Variants in DCC observed in about 807,000 individuals in gnomAD.
The protein encoded by DCC is DCC netrin 1 receptor.
Under a neutral mutation model 172.5 loss-of-function variants are expected in DCC, and 58 were observed. The ratio of observed to expected loss-of-function variants is 0.34; its 90% CI spans 0.27 to 0.42. The LOEUF is 0.42. Ranked by LOEUF, DCC falls within the 10% of genes least tolerant of loss-of-function variation. The pLI is 1.00. For synonymous variants in DCC, 709 were observed against 644.5 expected (o/e 1.10, Z -1.52); for missense variants, 1,740 against 1,791.0 (o/e 0.97, Z 0.51).
intron 22 of DCC, among the ~76,000 whole-genome samples, chr18:53,438,996 C>A (rs1038064226): frequency 3.3e-5 from 5 of 152,160 alleles, no homozygotes; most frequent in Non-Finnish European, 4.4e-5. Context: ...TTAGGGATTT[C>A]ATGCTAAATG....
At chr18:53,256,406 G>A (rs2056515351) in intron 12 of DCC, among the ~76,000 whole-genome samples, 1 of 152,096 alleles carries the variant, frequency 6.6e-6, no homozygotes. Flanking sequence ...GTAAGGAAGG[G>A]ATCCAGTTTC....
chr18:52,341,833 A>G (rs1469440367), intron 1 of DCC, among the ~76,000 whole-genome samples: 1 of 151,986 alleles, frequency 6.6e-6, no homozygotes, highest in Non-Finnish European at 1.5e-5. Context: ...ACTGGGGTAC[A>G]GTGAGCGGTC....
chr18:52,627,651 A>T (rs2034598862), intron 1 of DCC, among the ~76,000 whole-genome samples: 1 of 152,252 alleles, frequency 6.6e-6, no homozygotes, highest in South Asian at 2.1e-4. Context: ...AACAGCAACA[A>T]CAAAACATTC....
intron 16 of DCC, among the ~76,000 whole-genome samples, chr18:53,391,200 G>A (rs934164472): frequency 6.6e-6 from 1 of 152,100 alleles, no homozygotes; most frequent in Non-Finnish European, 1.5e-5. Context: ...AGAGAAGGAG[G>A]AGAAAATAAA....
chr18:53,057,020 T>G (rs1205200829), intron 5 of DCC, among the ~76,000 whole-genome samples: 1 of 150,368 alleles, frequency 6.7e-6, no homozygotes, highest in African/African-American at 2.4e-5. Context: ...TGACCCATAT[T>G]TATTACATAC....
chr18:53,079,137 C>T (rs116620204), intron 7 of DCC, among the ~76,000 whole-genome samples: 377 of 152,194 alleles, frequency 2.5e-3, no homozygotes, highest in African/African-American at 8.5e-3. Context: ...AATAAAAGTA[C>T]TATGTAGCTT....
At chr18:52,498,133 C>T (rs79089701) in intron 1 of DCC, among the ~76,000 whole-genome samples, 10,379 of 151,826 alleles carry the variant, frequency 0.068, 443 homozygotes, top group East Asian at 0.084. Flanking sequence ...TCTTTTTTTC[C>T]CCAATTATTT....
intron 7 of DCC, among the ~76,000 whole-genome samples, chr18:53,143,492 T>C (rs1213723387): frequency 1.3e-5 from 2 of 152,336 alleles, no homozygotes; most frequent in South Asian, 2.1e-4. Flanking sequence ...GTTTGGCTCA[T>C]GACATAGCTG....
Position 52,745,282 on chromosome 18 carries a change from A to G in DCC, c.92-6772A>G, listed in dbSNP as rs535703108. On this transcript the variant is annotated intron_variant, in intron 1 of 28. Transcript: ENST00000442544. ...AACCCAAATTACACAAATTCCTCAA[A>G]TATGAAAAGTCATGGCAAGATAGTA... Among the ~76,000 whole-genome samples, 3 of 152,318 alleles carry G rather than the reference A, an allele frequency of 2.0e-5. No individual in the cohort carries two copies. The East Asian group carries it at 5.8e-4, about 29-fold the overall frequency.
intron 1 of DCC, among the ~76,000 whole-genome samples, chr18:52,604,973 C>G (rs1320119770): frequency 1.3e-5 from 2 of 152,028 alleles, no homozygotes; most frequent in African/African-American, 2.4e-5. Context: ...TTAATGCACA[C>G]TCATCTGTTT....
intron 1 of DCC, among the ~76,000 whole-genome samples, chr18:52,611,837 G>A (rs2034282746): frequency 6.6e-6 from 1 of 152,142 alleles, no homozygotes; most frequent in Admixed American, 6.5e-5. Context: ...AGAAATGGTA[G>A]CCATTATTAG....
At chr18:52,838,740 TG>T (rs1251455568) in intron 2 of DCC, among the ~76,000 whole-genome samples, 1 of 152,222 alleles carries the variant, frequency 6.6e-6, no homozygotes, top group Non-Finnish European at 1.5e-5. Context: ...AAATTATTTT[TG>T]GCTTTTATAT....
At chr18:52,879,989 G>T (rs2039459742) in intron 2 of DCC, among the ~76,000 whole-genome samples, 1 of 151,964 alleles carries the variant, frequency 6.6e-6, no homozygotes, top group Non-Finnish European at 1.5e-5. Context: ...TGGAAAATGG[G>T]ATATTCATCC....
At chr18:52,926,274 C>T (rs921557280) in intron 5 of DCC, among the ~76,000 whole-genome samples, 3 of 151,810 alleles carry the variant, frequency 2.0e-5, no homozygotes, top group Non-Finnish European at 3.0e-5. Context: ...ATCCATTTTG[C>T]TTTTTGTCTT....
At position 52,889,541 on chromosome 18, in the gene DCC, G is replaced by T. The variant is rs116347737; in HGVS notation, c.413-16503G>T. On this transcript the variant is annotated intron_variant, in intron 2 of 28. Coordinates refer to ENST00000442544, the MANE Select transcript of DCC (RefSeq NM_005215.4). ...AGCTATTGACATGAAAGCCATCAAG[G>T]TAAAGCAGGGATTGAGAAGTGGGGT... 2.1e-3 allele frequency among the ~76,000 whole-genome samples: 318 copies of T among 152,206 alleles called. 1 individual carries two copies. The highest frequency in any genetic ancestry group is 7.2e-3 in the African/African-American group (299 of 41,550).
chr18:52,676,652 G>A (rs1037748375), intron 1 of DCC, among the ~76,000 whole-genome samples: 21 of 152,120 alleles, frequency 1.4e-4, no homozygotes, highest in Non-Finnish European at 2.8e-4. Context: ...AGTTCCCAGT[G>A]GGTGCACAAG....
At chr18:52,436,415 C>G (rs548648322) in intron 1 of DCC, among the ~76,000 whole-genome samples, 3 of 152,312 alleles carry the variant, frequency 2.0e-5, no homozygotes, top group South Asian at 2.1e-4. Context: ...ACATGACGCT[C>G]TCCATTCTTG....
intron 5 of DCC, among the ~76,000 whole-genome samples, chr18:53,048,686 TAC>T (rs1414547071): frequency 6.6e-6 from 1 of 151,144 alleles, no homozygotes; most frequent in Non-Finnish European, 1.5e-5. Context: ...TATATATATA[TAC>T]CTATTCTTTT....
chr18:53,287,604 G>A (rs1203475100), intron 12 of DCC, among the ~76,000 whole-genome samples: 1 of 152,072 alleles, frequency 6.6e-6, no homozygotes, highest in Non-Finnish European at 1.5e-5. Context: ...ATTCCCACAA[G>A]CCACTTTTAC....
Sources: gnomAD v4.1 joint callset for allele counts (sites outside exome capture counted in the v4.1 genomes callset) on GRCh38, gnomAD v4.1.1 for gene constraint, MANE v1.5 for transcripts, NCBI Gene and HGNC (gene_info 2026-07-23, HGNC 2026-07-21) for gene names.